The following KLRG1 variants were observed in gnomAD, a reference collection of about 807,000 sequenced individuals.
KLRG1 encodes the protein killer cell lectin-like receptor subfamily G member 1.
A neutral mutation model predicts 21.8 loss-of-function variants in KLRG1; 16 were observed. The ratio of observed to expected loss-of-function variants is 0.73; its 90% CI spans 0.50 to 1.11. KLRG1 has a LOEUF of 1.11. Ranked by LOEUF, KLRG1 falls within the 50% of genes most tolerant of loss-of-function variation. KLRG1 has a pLI of 0.00. For missense variants in KLRG1, 173 were observed against 218.3 expected (o/e 0.79, Z 1.31); for synonymous variants, 69 against 75.9 (o/e 0.91, Z 0.47).
At chr12:9,111,885 A>C in the KLRG1 span, 20 of 509,422 alleles carry the variant, frequency 3.9e-5, no homozygotes, top group African/African-American at 3.4e-4. Flanking sequence ...TCTGCTATTG[A>C]ATGTATCTTT....
the KLRG1 span, among the ~76,000 whole-genome samples, chr12:9,119,725 G>A: frequency 6.6e-6 from 1 of 152,316 alleles, no homozygotes; most frequent in East Asian, 1.9e-4. Context: ...TGATCCCAGA[G>A]GGAGGTCTCT....
chr12:9,090,310 A>G, the KLRG1 span: 1 of 1,613,192 alleles, frequency 6.2e-7, no homozygotes, highest in Non-Finnish European at 8.5e-7. Flanking sequence ...CCACTGCCAT[A>G]TACAATCTTT....
the KLRG1 span, among the ~76,000 whole-genome samples, chr12:9,063,113 T>A: frequency 1.1e-3 from 174 of 152,330 alleles, 2 homozygotes; most frequent in African/African-American, 4.1e-3. Flanking sequence ...CAAATGATCC[T>A]CCTGCCTTGG....
the KLRG1 span, chr12:9,165,427 G>C: frequency 1.3e-6 from 2 of 1,583,330 alleles, no homozygotes; most frequent in Non-Finnish European, 1.7e-6. Context: ...TTTCTCAAGT[G>C]AGAATTAATA....
chr12:9,190,035 C>T, the KLRG1 span, among the ~76,000 whole-genome samples: 2 of 152,108 alleles, frequency 1.3e-5, no homozygotes, highest in African/African-American at 4.8e-5. Context: ...TGCTTATACA[C>T]TCTTGGTGGG....
chr12:9,139,871 C>G, the KLRG1 span, among the ~76,000 whole-genome samples: 1 of 152,138 alleles, frequency 6.6e-6, no homozygotes, highest in Non-Finnish European at 1.5e-5. Flanking sequence ...GGACCACTCT[C>G]TCTTACAGAC....
At chr12:9,021,740 C>T in the KLRG1 span, among the ~76,000 whole-genome samples, 162 of 152,076 alleles carry the variant, frequency 1.1e-3, no homozygotes, top group Non-Finnish European at 2.0e-3. Context: ...TGCACATTAG[C>T]CTCGGGCTAC....
chr12:9,028,292 C>G, the KLRG1 span, among the ~76,000 whole-genome samples: 1 of 151,908 alleles, frequency 6.6e-6, no homozygotes, highest in Non-Finnish European at 1.5e-5. Flanking sequence ...GCTGGGATTA[C>G]AGGCGTGTGC....
chr12:9,147,088 G>A, the KLRG1 span, among the ~76,000 whole-genome samples: 1 of 152,168 alleles, frequency 6.6e-6, no homozygotes, highest in African/African-American at 2.4e-5. Context: ...CAAGGCAGAT[G>A]TCAGTTGTTT....
the KLRG1 span, among the ~76,000 whole-genome samples, chr12:9,109,008 C>T: frequency 1.3e-5 from 2 of 148,546 alleles, no homozygotes; most frequent in Non-Finnish European, 3.0e-5. Flanking sequence ...AACCAATACC[C>T]TTCAACACTA....
At chr12:8,967,377 G>A (rs1946493376) in intron 1 of KLRG1, among the ~76,000 whole-genome samples, 1 of 152,032 alleles carries the variant, frequency 6.6e-6, no homozygotes, top group South Asian at 2.1e-4. Context: ...TGTTAAATAT[G>A]TGTATAAGTG....
At chr12:8,963,168 T>C (rs913694081) in intron 1 of KLRG1, among the ~76,000 whole-genome samples, 4 of 152,214 alleles carry the variant, frequency 2.6e-5, no homozygotes, top group African/African-American at 9.6e-5. Flanking sequence ...TAGAGTTCTA[T>C]GCATTCAAAA....
At chr12:9,124,109 CAG>C in the KLRG1 span, among the ~76,000 whole-genome samples, 2 of 152,178 alleles carry the variant, frequency 1.3e-5, no homozygotes, top group African/African-American at 4.8e-5. Context: ...TATTTCTAAA[CAG>C]AACTTGTCTC....
the KLRG1 span, among the ~76,000 whole-genome samples, chr12:9,042,661 G>A: frequency 6.6e-6 from 1 of 152,138 alleles, no homozygotes; most frequent in African/African-American, 2.4e-5. Context: ...GTTATAGATT[G>A]ATAGAAAAGA....
At chr12:9,045,227 A>G in the KLRG1 span, among the ~76,000 whole-genome samples, 1 of 152,156 alleles carries the variant, frequency 6.6e-6, no homozygotes, top group Non-Finnish European at 1.5e-5. Flanking sequence ...CAGAAAACTG[A>G]GAGAGAGAAC....
chr12:8,979,127 G>A (rs780120935), intron 1 of KLRG1, among the ~76,000 whole-genome samples: 2 of 150,598 alleles, frequency 1.3e-5, no homozygotes, highest in African/African-American at 4.9e-5. Flanking sequence ...CAATTCTCCT[G>A]CCTCAGCCTC....
At chr12:9,155,448 C>G in the KLRG1 span, among the ~76,000 whole-genome samples, 1 of 152,048 alleles carries the variant, frequency 6.6e-6, no homozygotes, top group Admixed American at 6.5e-5. Flanking sequence ...TAATTCAACT[C>G]AGAATTAAAA....
At position 9,009,777 on chromosome 12, in the gene KLRG1, G is replaced by A. The variant is rs1043142833; in HGVS notation, c.*240G>A. The A allele has an allele frequency of 2.1e-6, 3 of 1,412,844 alleles. No individual in the cohort carries two copies. In the East Asian group the frequency reaches 7.7e-5, roughly 36 times the overall value. The allele number at this position is 1,412,844 out of a possible 1,614,324, so 87.5% of individuals were successfully genotyped here. On this transcript the variant is annotated 3_prime_UTR_variant, in exon 5 of 5. Coordinates refer to ENST00000356986, the MANE Select transcript of KLRG1 (RefSeq NM_005810.4). ...CCAGATCTAAGCAAATTTTGAAATA[G>A]ATGTTTGTTTTTTGTATTTCTCAGT...
At chr12:9,117,653 T>G in the KLRG1 span, among the ~76,000 whole-genome samples, 1 of 152,158 alleles carries the variant, frequency 6.6e-6, no homozygotes, top group Non-Finnish European at 1.5e-5. Context: ...TTGTGGGATA[T>G]TCACGTATTA....
Sources: gnomAD v4.1 joint callset for allele counts (sites outside exome capture counted in the v4.1 genomes callset) on GRCh38, gnomAD v4.1.1 for gene constraint, MANE v1.5 for transcripts, NCBI Gene and HGNC (gene_info 2026-07-23, HGNC 2026-07-21) for gene names.